The following CNTNAP1 variants were observed in gnomAD, a reference collection of about 807,000 sequenced individuals.
The protein encoded by CNTNAP1 is contactin-associated protein 1.
In CNTNAP1, 80 loss-of-function variants were observed where a neutral mutation model predicts 161.5. The observed-to-expected ratio is 0.50, with a 90% confidence interval of 0.41 to 0.60. The LOEUF (loss-of-function observed/expected upper bound fraction) is 0.60, where lower values mean the gene tolerates loss of function less well. Among genes scored for constraint, CNTNAP1 ranks in the 20% least tolerant of loss-of-function variants. The pLI is 0.00. For missense variants in CNTNAP1, 1,464 were observed against 1,854.8 expected (o/e 0.79, Z 3.87); for synonymous variants, 695 against 733.1 (o/e 0.95, Z 0.84).
rs141767116 is a variant in CNTNAP1 at position 42,694,706 on chromosome 17, T to G, written c.2993-815T>G. 1.3e-3 allele frequency among the ~76,000 whole-genome samples: 203 copies of G among 152,058 alleles called. 1 individual carries two copies. Among genetic ancestry groups the G allele is most frequent in the African/African-American group, 4.8e-3 (198 of 41,476 alleles). ...TAACACAGGCGAACTCCCTTGTCAATGTATTTGATGATTGCTGCATTCCTA... is the reference window on the plus strand; with the variant it reads ...TAACACAGGCGAACTCCCTTGTCAAGGTATTTGATGATTGCTGCATTCCTA... On this transcript the variant is annotated intron_variant, in intron 18 of 23. Transcript: ENST00000264638.
At chr17:42,688,771 G>C in intron 9 of CNTNAP1, 105 bp from the exon 10 acceptor site, 1 of 1,527,020 alleles carries the variant, frequency 6.5e-7, no homozygotes, top group South Asian at 1.2e-5. Context: ...CACTTTGGTT[G>C]TAGTCCCCTT....
At chr17:42,695,998 C>T (rs777415726) in intron 19 of CNTNAP1, 27 bp from the exon 20 acceptor site, 9 of 1,611,778 alleles carry the variant, frequency 5.6e-6, no homozygotes, top group Admixed American at 1.7e-5. Context: ...GGCCTGAGAC[C>T]CCAAATTTCT....
Position 42,697,310 on chromosome 17 carries a change from C to T in CNTNAP1, c.3511C>T (p.Leu1171=). The T allele has an allele frequency of 6.2e-7, 1 of 1,614,062 alleles. No individual in the cohort carries two copies. The highest frequency in any genetic ancestry group is 8.5e-7 in the Non-Finnish European group (1 of 1,180,024). ...CCCACTGACAGAGCAGAAGTTCTCG[C>T]TGTTGGTGGACAGCCAGTTGGACTC... ...YFPLTEQKFS[L]LVDSQLDSPK... is the part of the protein sequence containing the mutation. Residue 1171 remains leucine (L), a synonymous_variant, in exon 21 of 24, where the codon CTG becomes TTG. Coordinates refer to ENST00000264638, the MANE Select transcript of CNTNAP1 (RefSeq NM_003632.3).
rs750248711 is a variant in CNTNAP1 at position 42,695,579 on chromosome 17, G to A, written c.3051G>A (p.Leu1017=). 5.0e-6 allele frequency: 8 copies of A among 1,614,112 alleles called. No individual in the cohort carries two copies. Among genetic ancestry groups the A allele is most frequent in the Non-Finnish European group, 6.8e-6 (8 of 1,180,008 alleles). Reference sequence around the variant, plus strand: ...TGCGCTATAACCTACAGTCAGCGCTGCGCTCTGCAGCCAGGGAGTTCTCCC... The same window carrying A: ...TGCGCTATAACCTACAGTCAGCGCTACGCTCTGCAGCCAGGGAGTTCTCCC... ...TWMRYNLQSA[L]RSAAREFSHM... is the part of the protein sequence containing the mutation. The change falls in exon 19 of 24, where the codon CTG becomes CTA. Residue 1017 remains leucine, a synonymous_variant. Transcript: ENST00000264638.
rs1176582934 is a variant in CNTNAP1 at position 42,691,805 on chromosome 17, G to C, written c.2345-1G>C. 1 of 1,613,400 alleles carries C rather than the reference G, an allele frequency of 6.2e-7. No homozygotes were observed. The highest frequency in any genetic ancestry group is 8.5e-7 in the Non-Finnish European group (1 of 1,179,784). ...AGACCTTCCTCCATCTGCTTTTCTA[G>C]GAAATTCCTGGAACACCATTTCCTT... On this transcript the variant is annotated splice_acceptor_variant, in intron 15 of 23. Coordinates refer to ENST00000264638, the MANE Select transcript of CNTNAP1 (RefSeq NM_003632.3). LOFTEE classifies it high-confidence loss of function. This position sits in a 1 kb window ranked among gnomAD's most constrained non-coding sequence, Gnocchi z 4.3.
chr17:42,695,137 G>C (rs1233445883), intron 18 of CNTNAP1, among the ~76,000 whole-genome samples: 1 of 152,094 alleles, frequency 6.6e-6, no homozygotes, highest in African/African-American at 2.4e-5. Flanking sequence ...AGTAGAGATG[G>C]GGTTTTGCCA....
At position 42,687,543 on chromosome 17, in the gene CNTNAP1, C is replaced by T. The variant is rs1390744414; in HGVS notation, c.1045-177C>T. ...TTCCGAGGGCCGACTGGGTTGGGGC[C>T]CCCTCCACAGATGGACGAGCTTGGA... On this transcript the variant is annotated intron_variant, in intron 7 of 23. Coordinates refer to ENST00000264638, the MANE Select transcript of CNTNAP1 (RefSeq NM_003632.3). This position sits in a 1 kb window ranked among gnomAD's most constrained non-coding sequence, Gnocchi z 4.7. 2.5e-6 allele frequency: 2 copies of T among 807,730 alleles called. No homozygotes were observed. The highest frequency in any genetic ancestry group is 1.8e-5 in the South Asian group (1 of 55,290). 50.0% of individuals were successfully genotyped at this position (807,730 alleles called of 1,614,324 possible).
At chr17:42,697,850 A>C in intron 22 of CNTNAP1, 51 bp downstream of exon 22, 1 of 1,614,166 alleles carries the variant, frequency 6.2e-7, no homozygotes, top group Non-Finnish European at 8.5e-7. Context: ...ACGGAAGGGA[A>C]TGATTCTTAA....
At position 42,693,397 on chromosome 17, in the gene CNTNAP1, G is replaced by C; in HGVS notation, c.2853G>C (p.Glu951Asp). 1.9e-6 allele frequency: 3 copies of C among 1,614,236 alleles called. No individual in the cohort carries two copies. The South Asian group carries it at 3.3e-5, about 18-fold the overall frequency. The change falls in exon 18 of 24, where the codon GAG becomes GAC. Residue 951 changes from glutamate (E) to aspartate (D), a missense_variant. Glu to Asp is a conservative substitution (Grantham distance 45). Around this residue, in one of 3 missense-constraint regions of CNTNAP1, gnomAD observed 1,383 missense variants for 1,765.0 expected, o/e 0.78. Coordinates refer to ENST00000264638, the MANE Select transcript of CNTNAP1 (RefSeq NM_003632.3). ...TGGAGGGCCGTGCCAATGCCTCTGA[G>C]GGTACCTCACCCAACTGCACAGGCC... ...LNLEGRANAS[E>D]GTSPNCTGHC...
intron 17 of CNTNAP1, among the ~76,000 whole-genome samples, chr17:42,692,958 CT>C (rs1246701076): frequency 1.3e-3 from 184 of 140,414 alleles, no homozygotes; most frequent in South Asian, 1.6e-3. Flanking sequence ...CATTTCTTTT[CT>C]TTTTTTTTTT....
chr17:42,697,908 C>G lies in CNTNAP1; in HGVS notation c.3820C>G (p.Pro1274Ala), dbSNP rs779890513. Residue 1274 changes from proline (P) to alanine (A), a missense_variant, in exon 23 of 24, where the codon CCC (proline) becomes GCC (alanine). Physicochemically the swap from Pro to Ala is conservative, Grantham distance 27 (BLOSUM62 -1). Transcript: ENST00000264638. ...LDPWYLPPDF[P>A]YYHDEGWVAI... is the part of the protein sequence containing the mutation. ...TGGTGCTTTCTCCTCTCCAGACTTC[C>G]CCTACTACCATGATGAAGGATGGGT... The G allele has an allele frequency of 6.2e-7, 1 of 1,614,134 alleles. No individual in the cohort carries two copies. Among genetic ancestry groups the G allele is most frequent in the South Asian group, 1.1e-5 (1 of 91,082 alleles).
chr17:42,691,075 G>T lies in CNTNAP1; in HGVS notation c.2060-62G>T. 1.2e-6 allele frequency: 2 copies of T among 1,600,750 alleles called. No homozygotes were observed. The highest frequency in any genetic ancestry group is 2.3e-5 in the South Asian group (2 of 88,724). On this transcript the variant is annotated intron_variant, in intron 13 of 23. Coordinates refer to ENST00000264638, the MANE Select transcript of CNTNAP1 (RefSeq NM_003632.3). This position sits in a 1 kb window ranked among gnomAD's most constrained non-coding sequence, Gnocchi z 4.3. ...AGGGGTCTGAACTCGCTGGAAGGGC[G>T]AGAGGAGCCCAGAGGCTAATGGAGG...
rs1051798243 is a variant in CNTNAP1 at position 42,687,480 on chromosome 17, C to T, written c.1045-240C>T. Reference sequence around the variant, plus strand: ...ACTGGAAGGAGAGAAGCGGTCGAATCGCAGACGGTGGAGATCAGCGAGAGC... The same window carrying T: ...ACTGGAAGGAGAGAAGCGGTCGAATTGCAGACGGTGGAGATCAGCGAGAGC... On this transcript the variant is annotated intron_variant, in intron 7 of 23. Coordinates refer to ENST00000264638, the MANE Select transcript of CNTNAP1 (RefSeq NM_003632.3). This position sits in a 1 kb window ranked among gnomAD's most constrained non-coding sequence, Gnocchi z 4.7. 1 of 585,828 alleles carries T rather than the reference C, an allele frequency of 1.7e-6. No homozygotes were observed. The highest frequency in any genetic ancestry group is 3.0e-6 in the Non-Finnish European group (1 of 333,664). The allele number at this position is 585,828 out of a possible 1,614,324, so 36.3% of individuals were successfully genotyped here.
chr17:42,683,195 G>A, intron 1 of CNTNAP1: 1 of 548,008 alleles, frequency 1.8e-6, no homozygotes, highest in Non-Finnish European at 3.1e-6. Flanking sequence ...GGGGATAAGT[G>A]TATACTGGTG....
At position 42,692,512 on chromosome 17, in the gene CNTNAP1, G is replaced by T. The variant is rs750529845; in HGVS notation, c.2544G>T (p.Val848=). 4.3e-6 allele frequency: 7 copies of T among 1,613,926 alleles called. No homozygotes were observed. Among genetic ancestry groups the T allele is most frequent in the Non-Finnish European group, 5.9e-6 (7 of 1,179,956 alleles). The change falls in exon 17 of 24, where the codon GTG becomes GTT. Residue 848 remains valine (V), a synonymous_variant. Transcript: ENST00000264638. ...CACACTGTCCAGCATCCCGGGATGT[G>T]GTCTTCGCCTTTGATGTGGGGAATG... ...VRVELNTSRD[V]VFAFDVGNGD...
chr17:42,697,675 C>T lies in CNTNAP1; in HGVS notation c.3690C>T (p.Pro1230=). 1 of 1,614,174 alleles carries T rather than the reference C, an allele frequency of 6.2e-7. No individual in the cohort carries two copies. Among genetic ancestry groups the T allele is most frequent in the Non-Finnish European group, 8.5e-7 (1 of 1,180,046 alleles). Residue 1230 remains proline, a synonymous_variant, in exon 22 of 24, where the codon CCC becomes CCT. Transcript: ENST00000264638. ...AGACCCACTTCCGAACCCCTCGACC[C>T]ATGACTGCTGAGCTAGCTGAGGCCC... ...PLKTHFRTPR[P]MTAELAEALR...
chr17:42,690,991 G>C, intron 13 of CNTNAP1, 49 bp downstream of exon 13: 1 of 1,608,562 alleles, frequency 6.2e-7, no homozygotes, highest in African/African-American at 1.3e-5. Flanking sequence ...GACACCAATG[G>C]GGGCCTGGGA....
intron 6 of CNTNAP1, 49 bp from the exon 7 acceptor site, chr17:42,686,854 C>T: frequency 6.5e-7 from 1 of 1,542,120 alleles, no homozygotes. Context: ...GCGAGAAAGG[C>T]AGGCGCCCTC....
intron 6 of CNTNAP1, among the ~76,000 whole-genome samples, chr17:42,686,384 A>AT (rs879801620): frequency 6.9e-6 from 1 of 145,322 alleles, no homozygotes; most frequent in Non-Finnish European, 1.5e-5. Context: ...ATTTAAAAAA[A>AT]TTTTTTTTTT....
Sources: gnomAD v4.1 joint callset for allele counts (sites outside exome capture counted in the v4.1 genomes callset) on GRCh38, gnomAD v4.1.1 for gene constraint, gnomAD v4.1.1 regional missense constraint, Gnocchi (gnomAD v3.1) non-coding constraint, MANE v1.5 for transcripts, NCBI Gene and HGNC (gene_info 2026-07-23, HGNC 2026-07-21) for gene names.